CSNK1G1: variants seen among roughly 807,000 people sequenced by gnomAD.
The protein encoded by CSNK1G1 is casein kinase 1 gamma 1, also known as casein kinase I isoform gamma-1.
In CSNK1G1, 22 loss-of-function variants were observed where a neutral mutation model predicts 59.6. The ratio of observed to expected loss-of-function variants is 0.37; its 90% confidence interval spans 0.26 to 0.53. The LOEUF is 0.53. Ranked by LOEUF, CSNK1G1 falls within the 20% of genes least tolerant of loss-of-function variation. The pLI, the probability that CSNK1G1 is intolerant of heterozygous loss-of-function variation, is 0.89. For missense variants in CSNK1G1, 384 were observed against 519.5 expected (o/e 0.74, Z 2.54); for synonymous variants, 179 against 177.1 (o/e 1.01, Z -0.08).
chr15:64,340,710 T>C (rs527305360), intron 1 of CSNK1G1, among the ~76,000 whole-genome samples: 2 of 152,234 alleles, frequency 1.3e-5, no homozygotes, highest in South Asian at 2.1e-4. Context: ...TCCCAGCACT[T>C]TGGGGGGCCG....
intron 4 of CSNK1G1, among the ~76,000 whole-genome samples, chr15:64,243,263 G>T (rs899690676): frequency 5.3e-5 from 8 of 152,076 alleles, no homozygotes; most frequent in African/African-American, 9.7e-5. Context: ...TTGAACCAGG[G>T]AGGCAGAGGT....
At chr15:64,285,874 C>T (rs1377227701) in intron 2 of CSNK1G1, among the ~76,000 whole-genome samples, 1 of 151,254 alleles carries the variant, frequency 6.6e-6, no homozygotes, top group Admixed American at 6.6e-5. Flanking sequence ...AAAAAAAAAA[C>T]GATGACTTGT....
intron 6 of CSNK1G1, among the ~76,000 whole-genome samples, chr15:64,209,451 A>T (rs1426362419): frequency 6.6e-6 from 1 of 152,228 alleles, no homozygotes; most frequent in East Asian, 1.9e-4. Context: ...AAGAAAAGGC[A>T]ACTTTTTAAA....
At chr15:64,203,684 T>G (rs1237571587) in intron 9 of CSNK1G1, among the ~76,000 whole-genome samples, 4 of 80,478 alleles carry the variant, frequency 5.0e-5, no homozygotes, top group African/African-American at 1.9e-4. Flanking sequence ...GCAACAAGAG[T>G]GAAACTCCGT....
In CSNK1G1 at chr15:64,214,016, T is replaced by C. The variant is rs767453275; in HGVS notation, c.553A>G (p.Ile185Val). The C allele has an allele frequency of 1.9e-5, 31 of 1,614,140 alleles. No individual in the cohort carries two copies. The highest frequency in any genetic ancestry group is 1.5e-4 in the South Asian group (14 of 91,082). ...QGNKKEHVIH[I>V]IDFGLAKEYI... ...TCCTTGGCCAGTCCAAAGTCTATAA[T>C]GTGTATAACATGCTCTTTCTTATTG... The change falls in exon 6 of 12, where the codon ATT becomes GTT. Residue 185 changes from isoleucine (I) to valine (V), a missense_variant. By Grantham distance (29) the Ile-to-Val change is conservative (BLOSUM62 3). Coordinates refer to ENST00000303052, the MANE Select transcript of CSNK1G1 (RefSeq NM_022048.5). The surrounding 1 kb of genome is among the most constrained non-coding windows in gnomAD (Gnocchi z 4.3).
In CSNK1G1 at chr15:64,203,102, G is replaced by C. The variant is rs1478283670; in HGVS notation, c.1087C>G (p.Gln363Glu). The change falls in exon 10 of 12, where the codon CAG (glutamine) becomes GAG (glutamate). Residue 363 changes from glutamine (Q) to glutamate (E), a missense_variant. Physicochemically the swap from Gln to Glu is conservative, Grantham distance 29. Coordinates refer to ENST00000303052, the MANE Select transcript of CSNK1G1 (RefSeq NM_022048.5). ...CATACCTGATTTCGAAGAGGCTGCT[G>C]TTGTGATGGCCGATCCCTATGTGTG... is the stretch of plus-strand genomic sequence containing the variant. The part of the protein sequence containing the change: ...SHTHRDRPSQ[Q>E]QPLRNQVVSS... 1 of 1,613,670 alleles carries C rather than the reference G, an allele frequency of 6.2e-7. No individual in the cohort carries two copies. The highest frequency in any genetic ancestry group is 1.3e-5 in the African/African-American group (1 of 74,910).
chr15:64,187,475 C>T (rs1425922054), intron 10 of CSNK1G1, among the ~76,000 whole-genome samples: 1 of 152,064 alleles, frequency 6.6e-6, no homozygotes, highest in Non-Finnish European at 1.5e-5. Context: ...GCTGTGATTA[C>T]AGGAGCTACC....
intron 2 of CSNK1G1, among the ~76,000 whole-genome samples, chr15:64,278,436 T>TTC (rs1879825964): frequency 1.4e-5 from 2 of 143,652 alleles, no homozygotes; most frequent in African/African-American, 5.1e-5. Context: ...ATATATATTT[T>TTC]TTTTTTTTTG....
At chr15:64,280,827 C>G (rs1894085293) in intron 2 of CSNK1G1, among the ~76,000 whole-genome samples, 1 of 152,068 alleles carries the variant, frequency 6.6e-6, no homozygotes, top group Admixed American at 6.6e-5. Flanking sequence ...AATGGCTAAA[C>G]AAAATATGAT....
In CSNK1G1 at chr15:64,171,696, T is replaced by C; in HGVS notation, c.*235A>G. On this transcript the variant is annotated 3_prime_UTR_variant, in exon 12 of 12. Transcript: ENST00000303052. The surrounding 1 kb of genome is among the most constrained non-coding windows in gnomAD (Gnocchi z 4.8). ...ACCAGGCAGCCCTATGGGCAAGCAG[T>C]GGAGGAACAGCAGCTCTGGGACCTG... 1 of 575,898 alleles carries C rather than the reference T, an allele frequency of 1.7e-6. No individual in the cohort carries two copies. 35.7% of individuals were successfully genotyped at this position (575,898 alleles called of 1,614,324 possible).
intron 1 of CSNK1G1, among the ~76,000 whole-genome samples, chr15:64,324,197 G>A (rs993908588): frequency 1.2e-4 from 19 of 152,122 alleles, no homozygotes; most frequent in African/African-American, 3.6e-4. Flanking sequence ...TATAAATACC[G>A]AAGCATATGA....
At chr15:64,181,129 T>C in intron 10 of CSNK1G1, 1 of 1,456,240 alleles carries the variant, frequency 6.9e-7, no homozygotes, top group Non-Finnish European at 9.0e-7. Flanking sequence ...TGTCACATCC[T>C]CTCCGACAAG....
At chr15:64,178,558 C>G (rs2081769830) in intron 11 of CSNK1G1, among the ~76,000 whole-genome samples, 1 of 151,066 alleles carries the variant, frequency 6.6e-6, no homozygotes, top group Non-Finnish European at 1.5e-5. Context: ...CTCGACTCAC[C>G]ACAACCCCTG....
chr15:64,262,344 T>A (rs1892738679), intron 2 of CSNK1G1, among the ~76,000 whole-genome samples: 1 of 152,170 alleles, frequency 6.6e-6, no homozygotes. Flanking sequence ...CGGAGGGTAG[T>A]GAATTTGGGC....
At chr15:64,236,872 A>C (rs1451025744) in intron 4 of CSNK1G1, among the ~76,000 whole-genome samples, 2 of 152,232 alleles carry the variant, frequency 1.3e-5, no homozygotes, top group African/African-American at 2.4e-5. Context: ...ACAACAGCAA[A>C]GATATGGAAT....
At chr15:64,336,994 A>G (rs1376851960) in intron 1 of CSNK1G1, among the ~76,000 whole-genome samples, 1 of 152,030 alleles carries the variant, frequency 6.6e-6, no homozygotes, top group East Asian at 1.9e-4. Context: ...TCAGGAGGCC[A>G]AGACGGGTAA....
chr15:64,181,236 T>A (rs2081809070), intron 10 of CSNK1G1: 1 of 1,535,606 alleles, frequency 6.5e-7, no homozygotes, highest in Admixed American at 2.0e-5. Context: ...TCACTGATGG[T>A]CCCCGAAATG....
At chr15:64,290,065 T>C (rs1007859451) in intron 2 of CSNK1G1, among the ~76,000 whole-genome samples, 2 of 152,120 alleles carry the variant, frequency 1.3e-5, no homozygotes, top group African/African-American at 4.8e-5. Context: ...AAATAAAAGA[T>C]GTTGGCATGG....
intron 1 of CSNK1G1, among the ~76,000 whole-genome samples, chr15:64,336,212 A>G (rs1217097166): frequency 6.6e-6 from 1 of 152,048 alleles, no homozygotes. Context: ...GTTTTCAAGT[A>G]ACTGAAATTT....
Sources: gnomAD v4.1 joint callset for allele counts (sites outside exome capture counted in the v4.1 genomes callset) on GRCh38, gnomAD v4.1.1 for gene constraint, Gnocchi (gnomAD v3.1) non-coding constraint, MANE v1.5 for transcripts, NCBI Gene and HGNC (gene_info 2026-07-23, HGNC 2026-07-21) for gene names.